The following STXBP4 variants were observed in gnomAD, a reference collection of about 807,000 sequenced individuals.
STXBP4 encodes the protein syntaxin-binding protein 4.
STXBP4 carries 55 observed loss-of-function variants against 76.1 expected under a neutral mutation model. The ratio of observed to expected loss-of-function variants is 0.72; its 90% CI spans 0.58 to 0.91. STXBP4 has a LOEUF of 0.91. STXBP4 is among the 40% of genes least tolerant of loss of function. The probability of loss-of-function intolerance (pLI) is 0.00; values close to 1 mark genes in which losing one functional copy is unlikely to be tolerated. For missense variants in STXBP4, 618 were observed against 636.9 expected (o/e 0.97, Z 0.32); for synonymous variants, 201 against 220.2 (o/e 0.91, Z 0.77).
At chr17:55,189,094 C>G in the STXBP4 span, among the ~76,000 whole-genome samples, 3 of 152,034 alleles carry the variant, frequency 2.0e-5, no homozygotes, top group Non-Finnish European at 2.9e-5. Context: ...GGCTAGAATC[C>G]ATGATTTCTC....
chr17:55,045,846 T>C (rs1326249400), intron 11 of STXBP4, among the ~76,000 whole-genome samples: 2 of 152,050 alleles, frequency 1.3e-5, no homozygotes, highest in African/African-American at 4.8e-5. Context: ...GCAATAAATA[T>C]TTCGTTAAAG....
At chr17:55,001,103 T>C (rs2077906951) in intron 7 of STXBP4, among the ~76,000 whole-genome samples, 1 of 152,162 alleles carries the variant, frequency 6.6e-6, no homozygotes, top group South Asian at 2.1e-4. Context: ...AAAGATGCAT[T>C]GTCATAACAG....
At position 55,000,858 on chromosome 17, in the gene STXBP4, C is replaced by T. The variant is rs1471084035; in HGVS notation, c.549C>T (p.Asn183=). 3.1e-6 allele frequency: 5 copies of T among 1,609,500 alleles called. No homozygotes were observed. Among genetic ancestry groups the T allele is most frequent in the South Asian group, 1.1e-5 (1 of 90,766 alleles). Residue 183 remains asparagine, a synonymous_variant, in exon 7 of 18, where the codon AAC becomes AAT. Transcript: ENST00000376352. The part of the protein sequence containing the change: ...KTVQIPITSE[N]STVGLSNTDV... ...TACAGATTCCAATTACTTCAGAAAA[C>T]AGTACTGTGGGTTTGTCTAATACAG...
intron 1 of STXBP4, among the ~76,000 whole-genome samples, chr17:54,971,276 G>C (rs1567864735): frequency 6.6e-6 from 1 of 152,120 alleles, no homozygotes; most frequent in Non-Finnish European, 1.5e-5. Flanking sequence ...TAGTCAGCTT[G>C]GACTACCAAT....
At position 55,109,009 on chromosome 17, in the gene STXBP4, G is replaced by T. The variant is rs183840548; in HGVS notation, c.1489+27826G>T. Among the ~76,000 whole-genome samples the T allele has an allele frequency of 3.0e-3, 457 of 152,138 alleles. 5 individuals carry two copies. The highest frequency in any genetic ancestry group is 0.011 in the African/African-American group (443 of 41,504). On this transcript the variant is annotated intron_variant, in intron 16 of 17. Transcript: ENST00000376352. ...AGTTGACAAAAATACATCCCCCATTGCTTTTACTGTCGATTTCAGATTGAT... is the reference window on the plus strand; with the variant it reads ...AGTTGACAAAAATACATCCCCCATTTCTTTTACTGTCGATTTCAGATTGAT...
chr17:55,014,898 A>G (rs2078178003), intron 8 of STXBP4, among the ~76,000 whole-genome samples: 1 of 151,678 alleles, frequency 6.6e-6, no homozygotes. Context: ...CCTGAGGGCC[A>G]TGACTAAAGT....
chr17:55,014,355 A>G (rs2078167555), intron 8 of STXBP4, among the ~76,000 whole-genome samples: 1 of 152,094 alleles, frequency 6.6e-6, no homozygotes, highest in Non-Finnish European at 1.5e-5. Flanking sequence ...TGCTTTTGCT[A>G]GAATGTCTCT....
chr17:55,050,417 A>G (rs750045260), intron 12 of STXBP4, among the ~76,000 whole-genome samples: 1 of 152,168 alleles, frequency 6.6e-6, no homozygotes, highest in Non-Finnish European at 1.5e-5. Flanking sequence ...TTAAATCTAT[A>G]CTACCATAGA....
chr17:55,192,858 A>G, the STXBP4 span, among the ~76,000 whole-genome samples: 1 of 152,186 alleles, frequency 6.6e-6, no homozygotes, highest in Non-Finnish European at 1.5e-5. Context: ...TCTTTGTCTT[A>G]TATTGCTGAC....
chr17:55,032,401 G>A (rs1187902255), intron 9 of STXBP4, among the ~76,000 whole-genome samples: 2 of 152,116 alleles, frequency 1.3e-5, no homozygotes, highest in Admixed American at 1.3e-4. Flanking sequence ...AAATGGGTGA[G>A]GAAAGTAAAT....
chr17:55,085,021 A>G (rs76650380), intron 16 of STXBP4, among the ~76,000 whole-genome samples: 30,806 of 152,184 alleles, frequency 0.2, 3,350 homozygotes, highest in Middle Eastern at 0.35. Context: ...ATGGAATACT[A>G]TGCAGCCATA....
intron 16 of STXBP4, among the ~76,000 whole-genome samples, chr17:55,116,550 T>G (rs1427702844): frequency 6.6e-6 from 1 of 151,828 alleles, no homozygotes; most frequent in Non-Finnish European, 1.5e-5. Flanking sequence ...AATTTTAGTA[T>G]CTGGCTTTCT....
At chr17:55,072,845 C>A in intron 12 of STXBP4, 55 bp from the exon 13 acceptor site, 1 of 1,465,200 alleles carries the variant, frequency 6.8e-7, no homozygotes, top group Non-Finnish European at 9.2e-7. Context: ...TTTGTATAAA[C>A]CTCGGAACTA....
chr17:55,035,146 GT>G lies in STXBP4; in HGVS notation c.855+892del, dbSNP rs1289550680. Among the ~76,000 whole-genome samples the G allele has an allele frequency of 2.6e-5, 4 of 151,794 alleles. No individual in the cohort carries two copies. In the East Asian group the frequency reaches 5.8e-4, roughly 22 times the overall value. On this transcript the variant is annotated intron_variant, in intron 10 of 17. Transcript: ENST00000376352. ...AATTTCTATCTAGATACACAGATCT[GT>G]TTTTCTATCTACCATTTGAATGTTT... is the stretch of plus-strand genomic sequence containing the variant.
the STXBP4 span, among the ~76,000 whole-genome samples, chr17:55,204,204 T>C: frequency 1.3e-5 from 2 of 152,074 alleles, no homozygotes; most frequent in African/African-American, 4.8e-5. Context: ...TCTTTAGCTG[T>C]GGTTAATTTG....
At position 54,986,013 on chromosome 17, in the gene STXBP4, A is replaced by G. The variant is rs546124071; in HGVS notation, c.-78-129A>G. The G allele has an allele frequency of 1.1e-4, 59 of 547,450 alleles. No individual in the cohort carries two copies. In the East Asian group the frequency reaches 1.7e-3, roughly 16 times the overall value. 33.9% of individuals were successfully genotyped at this position (547,450 alleles called of 1,614,324 possible). ...TGCCATAACACAAAATACATACAAT[A>G]CATCTAACATCTATATACAGGCTTA... On this transcript the variant is annotated intron_variant, in intron 2 of 17. Coordinates refer to ENST00000376352, the MANE Select transcript of STXBP4 (RefSeq NM_178509.6).
At chr17:54,982,367 T>C (rs1262022007) in intron 1 of STXBP4, among the ~76,000 whole-genome samples, 1 of 152,302 alleles carries the variant, frequency 6.6e-6, no homozygotes, top group East Asian at 1.9e-4. Context: ...TAAACAGACT[T>C]ATCAAAGAAA....
At chr17:54,990,020 G>A (rs1381039760) in intron 3 of STXBP4, among the ~76,000 whole-genome samples, 1 of 152,142 alleles carries the variant, frequency 6.6e-6, no homozygotes. Flanking sequence ...TAATAACCAG[G>A]TAAAAGCAAA....
In STXBP4 at chr17:55,153,751, C is replaced by T. The variant is rs117907189; in HGVS notation, c.1548-6046C>T. ...CTTCTACATTTTATGCACTTCTACT[C>T]GCAGGGGGAATTTAACGTGGAAACG... On this transcript the variant is annotated intron_variant, in intron 17 of 17. Transcript: ENST00000376352. Among the ~76,000 whole-genome samples, 530 of 152,238 alleles carry T rather than the reference C, an allele frequency of 3.5e-3. 1 individual carries two copies. Among genetic ancestry groups the T allele is most frequent in the Non-Finnish European group, 6.3e-3 (430 of 68,002 alleles).
Sources: gnomAD v4.1 joint callset for allele counts (sites outside exome capture counted in the v4.1 genomes callset) on GRCh38, gnomAD v4.1.1 for gene constraint, MANE v1.5 for transcripts, NCBI Gene and HGNC (gene_info 2026-07-23, HGNC 2026-07-21) for gene names.